RIMS1: variants seen among roughly 807,000 people sequenced by gnomAD.
The protein encoded by RIMS1 is regulating synaptic membrane exocytosis 1, also known as regulating synaptic membrane exocytosis protein 1.
RIMS1 carries 83 observed loss-of-function variants against 214.1 expected under a neutral mutation model. That is an observed-to-expected ratio of 0.39 (90% CI 0.32 to 0.47). The LOEUF (loss-of-function observed/expected upper bound fraction) is 0.47. Ranked by LOEUF, RIMS1 falls within the 20% of genes least tolerant of loss-of-function variation. The pLI, the probability that RIMS1 is intolerant of heterozygous loss-of-function variation, is 0.99. For synonymous variants in RIMS1, 793 were observed against 786.8 expected (o/e 1.01, Z -0.13); for missense variants, 2,050 against 2,161.8 (o/e 0.95, Z 1.03).
chr6:72,245,895 A>G (rs561011602), intron 11 of RIMS1, 34 bp downstream of exon 11: 2 of 1,377,322 alleles, frequency 1.5e-6, no homozygotes, highest in African/African-American at 1.4e-5. Context: ...TTATAAAAGT[A>G]TTGAACTAAT....
intron 2 of RIMS1, among the ~76,000 whole-genome samples, chr6:71,989,675 A>C (rs973090715): frequency 7.9e-5 from 12 of 152,202 alleles, no homozygotes; most frequent in African/African-American, 2.9e-4. Flanking sequence ...TCATTGATCG[A>C]TTCATTAATT....
Position 72,316,593 on chromosome 6 carries a change from G to C in RIMS1, c.4130+2921G>C, listed in dbSNP as rs777323493. On this transcript the variant is annotated intron_variant, in intron 28 of 33. Transcript: ENST00000521978. ...GGGAGGAGGAGCCCCTGCCTTAGGA[G>C]CCTCACAGGCTGCACCAAGAGAGCA... The C allele has an allele frequency of 1.4e-4, 60 of 423,768 alleles. No individual in the cohort carries two copies. In the Middle Eastern group the frequency reaches 1.7e-3, roughly 12 times the overall value. 26.3% of individuals were successfully genotyped at this position (423,768 alleles called of 1,614,324 possible). A position where few individuals can be genotyped will look rare whatever the true frequency, so the allele number is the denominator to read the frequency against.
chr6:72,098,046 A>G (rs190459963), intron 3 of RIMS1, among the ~76,000 whole-genome samples: 216 of 152,276 alleles, frequency 1.4e-3, no homozygotes, highest in Admixed American at 3.6e-3. Flanking sequence ...AAGAATTCCC[A>G]GTGTTCCTGT....
chr6:72,210,766 C>T (rs2053667734), intron 6 of RIMS1, among the ~76,000 whole-genome samples: 1 of 152,184 alleles, frequency 6.6e-6, no homozygotes, highest in South Asian at 2.1e-4. Flanking sequence ...TCGGTTTCCT[C>T]ATCTGTAACA....
chr6:72,291,732 T>C (rs2093416994), intron 25 of RIMS1, among the ~76,000 whole-genome samples: 2 of 152,238 alleles, frequency 1.3e-5, no homozygotes, highest in Non-Finnish European at 2.9e-5. Flanking sequence ...TAGAACTGTG[T>C]GTGGTGCACA....
chr6:72,199,935 G>C (rs1425846884), intron 6 of RIMS1, among the ~76,000 whole-genome samples: 1 of 152,052 alleles, frequency 6.6e-6, no homozygotes, highest in Non-Finnish European at 1.5e-5. Flanking sequence ...TTGGGAAGTA[G>C]AATTGATACT....
At chr6:71,953,966 A>G (rs1465267529) in intron 1 of RIMS1, among the ~76,000 whole-genome samples, 3 of 152,184 alleles carry the variant, frequency 2.0e-5, no homozygotes, top group Admixed American at 6.6e-5. Flanking sequence ...GAAGAGTTAA[A>G]CAGGGTTAGA....
chr6:72,054,196 T>G (rs1825510153), intron 2 of RIMS1, among the ~76,000 whole-genome samples: 1 of 152,124 alleles, frequency 6.6e-6, no homozygotes, highest in South Asian at 2.1e-4. Context: ...TCTGTTCCTG[T>G]GTTAGTTTGC....
rs549163181 is a variant in RIMS1, at chr6:72,360,641, G to A, written c.4366+26806G>A. On this transcript the variant is annotated intron_variant, in intron 29 of 33. Transcript: ENST00000521978. ...ATAAAAGGGAAATACATATCTACAT[G>A]TATATGTGTGTATATGCATACTATA... Among the ~76,000 whole-genome samples, 3 of 150,422 alleles carry A rather than the reference G, an allele frequency of 2.0e-5. No homozygotes were observed. In the South Asian group the frequency reaches 6.3e-4, roughly 31 times the overall value.
At chr6:71,912,005 T>C (rs1049992254) in intron 1 of RIMS1, among the ~76,000 whole-genome samples, 1 of 152,132 alleles carries the variant, frequency 6.6e-6, no homozygotes, top group Non-Finnish European at 1.5e-5. Context: ...GTATTCAGTA[T>C]CAAAAACAAT....
At chr6:71,998,180 T>C (rs2151694182) in intron 2 of RIMS1, among the ~76,000 whole-genome samples, 1 of 152,308 alleles carries the variant, frequency 6.6e-6, no homozygotes, top group South Asian at 2.1e-4. Flanking sequence ...AACATTTATC[T>C]ACTTTATGTG....
At chr6:72,387,437 C>G (rs1466918096) in intron 29 of RIMS1, among the ~76,000 whole-genome samples, 1 of 152,218 alleles carries the variant, frequency 6.6e-6, no homozygotes, top group African/African-American at 2.4e-5. Context: ...GGGCTTACCC[C>G]TGTCCTTTAA....
intron 29 of RIMS1, among the ~76,000 whole-genome samples, chr6:72,349,099 G>A (rs2097361658): frequency 6.6e-6 from 1 of 151,896 alleles, no homozygotes; most frequent in African/African-American, 2.4e-5. Context: ...TATTGAAGCA[G>A]TACATTGTGA....
At chr6:72,144,438 G>A (rs575280801) in intron 4 of RIMS1, among the ~76,000 whole-genome samples, 51 of 152,168 alleles carry the variant, frequency 3.4e-4, no homozygotes, top group African/African-American at 1.2e-3. Flanking sequence ...TGCCCGCTGG[G>A]GTCCTCCGTG....
In RIMS1 at chr6:72,182,766, G is replaced by C. The variant is rs2048548406; in HGVS notation, c.1295G>C (p.Arg432Thr). 8 of 1,544,488 alleles carry C rather than the reference G, an allele frequency of 5.2e-6. No homozygotes were observed. The highest frequency in any genetic ancestry group is 7.0e-6 in the Non-Finnish European group (8 of 1,149,310). ...TCGCCGCGGGCTTACTCGGCTGAGAGAACTGCGGAGACCAGGGCGCCGGGC... is the reference window on the plus strand; with the variant it reads ...TCGCCGCGGGCTTACTCGGCTGAGACAACTGCGGAGACCAGGGCGCCGGGC... ...PDSPRAYSAE[R>T]TAETRAPGAK... The change falls in exon 6 of 34, where the codon AGA becomes ACA. Residue 432 changes from arginine (R) to threonine (T), a missense_variant. Around this residue, in one of 6 missense-constraint regions of RIMS1, gnomAD observed 882 missense variants for 828.9 expected, o/e 1.06. Transcript: ENST00000521978.
At chr6:72,299,105 G>A (rs1422968367) in intron 26 of RIMS1, among the ~76,000 whole-genome samples, 2 of 151,896 alleles carry the variant, frequency 1.3e-5, no homozygotes, top group Non-Finnish European at 2.9e-5. Flanking sequence ...AAGAGCCCAT[G>A]AATGTAGTTT....
chr6:72,245,739 A>G, intron 10 of RIMS1, 76 bp from the exon 11 acceptor site: 1 of 1,124,486 alleles, frequency 8.9e-7, no homozygotes, highest in South Asian at 1.3e-5. Flanking sequence ...TTTTCACATC[A>G]CGTATAATGG....
chr6:71,986,110 G>A (rs984472173), intron 2 of RIMS1, among the ~76,000 whole-genome samples: 25 of 150,274 alleles, frequency 1.7e-4, no homozygotes, highest in African/African-American at 4.7e-4. Context: ...TTGGGCATAC[G>A]TATACTGAAA....
intron 29 of RIMS1, among the ~76,000 whole-genome samples, chr6:72,387,991 A>C (rs2098641253): frequency 6.6e-6 from 1 of 152,236 alleles, no homozygotes; most frequent in Non-Finnish European, 1.5e-5. Context: ...TGGAATGTGA[A>C]AATTGCACAT....
Sources: allele counts gnomAD v4.1 joint callset (sites outside exome capture counted in the v4.1 genomes callset), GRCh38; gene constraint gnomAD v4.1.1; regional missense constraint gnomAD v4.1.1; transcripts MANE v1.5; gene names NCBI Gene and HGNC (gene_info 2026-07-23, HGNC 2026-07-21).